STAU2: variants seen among roughly 807,000 people sequenced by gnomAD.
STAU2 encodes the protein double-stranded RNA-binding protein Staufen homolog 2.
A neutral mutation model predicts 65.9 loss-of-function variants in STAU2; 20 were observed. That is an observed-to-expected ratio of 0.30 (90% CI 0.21 to 0.44). STAU2 has a LOEUF of 0.44. Among genes scored for constraint, STAU2 ranks in the 20% least tolerant of loss-of-function variants. The pLI, the probability that STAU2 is intolerant of heterozygous loss-of-function variation, is 1.00. For synonymous variants in STAU2, 232 were observed against 233.9 expected (o/e 0.99, Z 0.07); for missense variants, 558 against 683.9 (o/e 0.82, Z 2.05).
chr8:73,496,468 G>C (rs1821426230), intron 13 of STAU2, among the ~76,000 whole-genome samples: 1 of 151,442 alleles, frequency 6.6e-6, no homozygotes, highest in Admixed American at 6.6e-5. Context: ...CAAAGCCTGG[G>C]TCTGAGTATC....
intron 4 of STAU2, among the ~76,000 whole-genome samples, chr8:73,706,193 T>C (rs1820490358): frequency 6.6e-6 from 1 of 152,132 alleles, no homozygotes; most frequent in South Asian, 2.1e-4. Flanking sequence ...CTTGGCTCAC[T>C]GCAACCTCTA....
chr8:73,628,371 C>T (rs1174252318), intron 6 of STAU2, among the ~76,000 whole-genome samples: 1 of 152,102 alleles, frequency 6.6e-6, no homozygotes, highest in Non-Finnish European at 1.5e-5. Flanking sequence ...TGTGCCCAGC[C>T]ACTTTTAACT....
intron 12 of STAU2, among the ~76,000 whole-genome samples, chr8:73,573,059 G>C (rs1029852059): frequency 3.3e-5 from 5 of 152,216 alleles, no homozygotes; most frequent in African/African-American, 9.6e-5. Flanking sequence ...CAATGTCTCA[G>C]GATACAAAAT....
chr8:73,528,201 G>A (rs946054944), intron 13 of STAU2, among the ~76,000 whole-genome samples: 8 of 152,122 alleles, frequency 5.3e-5, no homozygotes, highest in Non-Finnish European at 1.2e-4. Context: ...CCATGTGTAT[G>A]TGACTGCCAC....
intron 12 of STAU2, among the ~76,000 whole-genome samples, chr8:73,560,507 T>C (rs1300655154): frequency 6.6e-6 from 1 of 152,210 alleles, no homozygotes; most frequent in African/African-American, 2.4e-5. Context: ...TGGTCCTTTT[T>C]TTCCTGCTAC....
At chr8:73,625,900 G>C (rs916009546) in intron 6 of STAU2, among the ~76,000 whole-genome samples, 1 of 152,052 alleles carries the variant, frequency 6.6e-6, no homozygotes, top group Non-Finnish European at 1.5e-5. Context: ...TTGCACTCTA[G>C]GATGTTACTG....
At chr8:73,638,937 T>C (rs1034692835) in intron 6 of STAU2, among the ~76,000 whole-genome samples, 2 of 151,942 alleles carry the variant, frequency 1.3e-5, no homozygotes, top group African/African-American at 4.8e-5. Flanking sequence ...AAATAGTTGA[T>C]TAATATGAAA....
At chr8:73,726,572 GT>G (rs1805650050) in intron 3 of STAU2, among the ~76,000 whole-genome samples, 1 of 152,000 alleles carries the variant, frequency 6.6e-6, no homozygotes, top group South Asian at 2.1e-4. Context: ...CTTCCACCCT[GT>G]GCTTCATTTT....
intron 13 of STAU2, among the ~76,000 whole-genome samples, chr8:73,424,647 A>C (rs78731105): frequency 6.6e-6 from 1 of 152,058 alleles, no homozygotes; most frequent in Non-Finnish European, 1.5e-5. Context: ...TTTGGCAACT[A>C]TGAATAAAAC....
intron 3 of STAU2, among the ~76,000 whole-genome samples, chr8:73,714,178 C>T (rs1821090804): frequency 6.6e-6 from 1 of 152,204 alleles, no homozygotes; most frequent in Non-Finnish European, 1.5e-5. Context: ...GGTGGGATTA[C>T]AGGCGTGAGC....
chr8:73,719,724 T>G (rs1022420905), intron 3 of STAU2, among the ~76,000 whole-genome samples: 14 of 152,208 alleles, frequency 9.2e-5, no homozygotes, highest in Admixed American at 7.9e-4. Context: ...TTGCTGAAAC[T>G]TTGTTTAGAT....
chr8:73,466,689 A>C (rs1819673756), intron 13 of STAU2, among the ~76,000 whole-genome samples: 1 of 152,184 alleles, frequency 6.6e-6, no homozygotes, highest in Admixed American at 6.5e-5. Flanking sequence ...GAATCCCAGA[A>C]CGTTTTATCT....
intron 13 of STAU2, among the ~76,000 whole-genome samples, chr8:73,441,737 A>G (rs1818154616): frequency 6.6e-6 from 1 of 152,206 alleles, no homozygotes; most frequent in South Asian, 2.1e-4. Flanking sequence ...CGTTTATTGA[A>G]ACCCAGAACT....
intron 3 of STAU2, among the ~76,000 whole-genome samples, chr8:73,712,362 C>T (rs1488003926): frequency 1.3e-5 from 2 of 152,170 alleles, no homozygotes; most frequent in African/African-American, 4.8e-5. Context: ...CTGTCACTTA[C>T]TAATATCTGT....
intron 3 of STAU2, among the ~76,000 whole-genome samples, chr8:73,710,202 AC>A (rs940596271): frequency 2.0e-5 from 3 of 151,916 alleles, no homozygotes; most frequent in African/African-American, 7.3e-5. Context: ...TATTTGACAA[AC>A]AGTATCCCAT....
chr8:73,510,605 A>G (rs902200971), intron 13 of STAU2, among the ~76,000 whole-genome samples: 1 of 152,218 alleles, frequency 6.6e-6, no homozygotes, highest in African/African-American at 2.4e-5. Flanking sequence ...ACAGTTCAGC[A>G]TGACTGGGGA....
rs865953371 is a variant in STAU2 at position 73,608,466 on chromosome 8, G to A, written c.892-4603C>T. Among the ~76,000 whole-genome samples the A allele has an allele frequency of 1.8e-4, 28 of 151,976 alleles. No individual in the cohort carries two copies. In the South Asian group the frequency reaches 5.2e-3, roughly 28 times the overall value. ...TACTAAAAAAACAAAAATTAGCCAC[G>A]CGTGGTGGCGCACGCCTGTAATCCC... is the stretch of plus-strand genomic sequence containing the variant. On this transcript the variant is annotated intron_variant, in intron 9 of 14. Transcript: ENST00000524300.
rs1162213782 is a variant in STAU2, at chr8:73,634,265, A to AT, written c.411-16815dup. Among the ~76,000 whole-genome samples, 7 of 151,840 alleles carry AT rather than the reference A, an allele frequency of 4.6e-5. No homozygotes were observed. The East Asian group carries it at 5.8e-4, about 13-fold the overall frequency. On this transcript the variant is annotated intron_variant, in intron 6 of 14. Coordinates refer to ENST00000524300, the MANE Select transcript of STAU2 (RefSeq NM_001164380.2). ...CAAAACGGTTTTTATTTATTTATTT[A>AT]TTTATTTTTTGCTCAAAACCTGCGT...
chr8:73,485,770 GC>G (rs1820879320), intron 13 of STAU2, among the ~76,000 whole-genome samples: 1 of 152,064 alleles, frequency 6.6e-6, no homozygotes, highest in Admixed American at 6.6e-5. Context: ...GGAGTTTGAG[GC>G]TATAGTGAGC....
Sources: gnomAD v4.1 joint callset for allele counts (sites outside exome capture counted in the v4.1 genomes callset) on GRCh38, gnomAD v4.1.1 for gene constraint, MANE v1.5 for transcripts, NCBI Gene and HGNC (gene_info 2026-07-23, HGNC 2026-07-21) for gene names.